The following CEP72 variants were observed in gnomAD, a reference collection of about 807,000 sequenced individuals.
The protein encoded by CEP72 is centrosomal protein 72.
Under a neutral mutation model 65.7 loss-of-function variants are expected in CEP72, and 78 were observed. The observed-to-expected ratio is 1.19, with a 90% CI of 0.99 to 1.43. The LOEUF (loss-of-function observed/expected upper bound fraction) is 1.43. CEP72 is among the 40% of genes most tolerant of loss of function. The probability of loss-of-function intolerance (pLI) is 0.00; values close to 1 mark genes in which losing one functional copy is unlikely to be tolerated. For synonymous variants in CEP72, 358 were observed against 351.7 expected (o/e 1.02, Z -0.20); for missense variants, 914 against 832.9 (o/e 1.10, Z -1.20).
chr5:647,447 C>T (rs1738497070), intron 10 of CEP72, among the ~76,000 whole-genome samples: 1 of 152,248 alleles, frequency 6.6e-6, no homozygotes, highest in South Asian at 2.1e-4. Flanking sequence ...CAGGCCCTCC[C>T]TTCAGGGGCA....
rs918826748 is a variant in CEP72, at chr5:629,006, C to A, written c.512+4427C>A. Among the ~76,000 whole-genome samples the A allele has an allele frequency of 9.9e-5, 15 of 150,936 alleles. 1 individual carries two copies. The highest frequency in any genetic ancestry group is 3.7e-4 in the African/African-American group (15 of 40,418). On this transcript the variant is annotated intron_variant, in intron 4 of 11. Transcript: ENST00000264935. ...CCAGCCCCCTTCTTTGTGCAGCGTT[C>A]TGGAGAACTCAGATCGCAGGCCCCG...
At chr5:640,136 G>T (rs999431637) in intron 8 of CEP72, among the ~76,000 whole-genome samples, 1 of 152,200 alleles carries the variant, frequency 6.6e-6, no homozygotes, top group African/African-American at 2.4e-5. Context: ...GCAGCGAGTT[G>T]TGGCGGCGCC....
chr5:624,482 G>A lies in CEP72; in HGVS notation c.415G>A (p.Val139Met), dbSNP rs143821999. The change falls in exon 4 of 12, where the codon GTG (valine) becomes ATG (methionine). Residue 139 changes from valine (V) to methionine (M), a missense_variant. Transcript: ENST00000264935. The surrounding 1 kb of genome is among the most constrained non-coding windows in gnomAD (Gnocchi z 4.7). Reference sequence around the variant, plus strand: ...GCCTTTTCTTCTAGACGATCGCCCCGTGAGAGCAAGCGAGCGGAAGGCTTC... The same window carrying A: ...GCCTTTTCTTCTAGACGATCGCCCCATGAGAGCAAGCGAGCGGAAGGCTTC... ...PKLQQLDDRP[V>M]RASERKASRL... The A allele has an allele frequency of 1.6e-5, 26 of 1,613,856 alleles. No individual in the cohort carries two copies. The highest frequency in any genetic ancestry group is 6.7e-5 in the African/African-American group (5 of 74,922).
At chr5:661,903 C>G (rs527845420), downstream of CEP72, 3 of 152,454 alleles carry the variant, frequency 2.0e-5, no homozygotes, top group East Asian at 3.8e-4. Flanking sequence ...GCCTGAGGGC[C>G]GCTGGGGGAG....
At chr5:629,404 G>C (rs1737056522) in intron 4 of CEP72, among the ~76,000 whole-genome samples, 1 of 151,868 alleles carries the variant, frequency 6.6e-6, no homozygotes, top group Non-Finnish European at 1.5e-5. Flanking sequence ...GTGGGGTTCT[G>C]TCCAGTGCCG....
chr5:617,578 C>G (rs773521064), intron 1 of CEP72, among the ~76,000 whole-genome samples: 1 of 152,204 alleles, frequency 6.6e-6, no homozygotes, highest in Non-Finnish European at 1.5e-5. Context: ...GACCCTGTCC[C>G]GGTGGCAGGG....
At chr5:674,019 A>G in the CEP72 span, among the ~76,000 whole-genome samples, 1 of 152,220 alleles carries the variant, frequency 6.6e-6, no homozygotes, top group Non-Finnish European at 1.5e-5. Flanking sequence ...AAGGAATCAC[A>G]GCCGGCACTG....
intron 4 of CEP72, among the ~76,000 whole-genome samples, chr5:625,731 G>A (rs970633872): frequency 2.6e-5 from 4 of 152,102 alleles, no homozygotes; most frequent in South Asian, 2.1e-4. Flanking sequence ...TGAGCCGTGC[G>A]GGAGAAGCTG....
the CEP72 span, among the ~76,000 whole-genome samples, chr5:674,816 G>GGGGA: frequency 5.9e-5 from 9 of 151,932 alleles, no homozygotes; most frequent in Admixed American, 5.9e-4. Context: ...CCTCCAGGCA[G>GGGGA]CGGCTGACAT....
intron 1 of CEP72, among the ~76,000 whole-genome samples, chr5:617,479 C>T (rs1171621051): frequency 6.6e-6 from 1 of 152,126 alleles, no homozygotes; most frequent in African/African-American, 2.4e-5. Flanking sequence ...ACCAGCCTGG[C>T]CAACATGGTC....
At chr5:649,215 CTG>C (rs1738720794) in intron 11 of CEP72, among the ~76,000 whole-genome samples, 1 of 73,516 alleles carries the variant, frequency 1.4e-5, no homozygotes. Context: ...GAGGTGTGGA[CTG>C]TGAGGTGTGA....
At chr5:670,941 C>T (rs1379760570), downstream of CEP72, among the ~76,000 whole-genome samples, 2 of 152,236 alleles carry the variant, frequency 1.3e-5, no homozygotes, top group Non-Finnish European at 1.5e-5. Flanking sequence ...CGGAGCCCTT[C>T]CTGCACCCTA....
chr5:668,658 A>G (rs1362833068), downstream of CEP72, among the ~76,000 whole-genome samples: 1 of 152,246 alleles, frequency 6.6e-6, no homozygotes, highest in Non-Finnish European at 1.5e-5. Context: ...ATCACAGCCA[A>G]AGGTGGCCCA....
At position 645,121 on chromosome 5, in the gene CEP72, G is replaced by C. The variant is rs879305746; in HGVS notation, c.1666+696G>C. Among the ~76,000 whole-genome samples, 9 of 152,044 alleles carry C rather than the reference G, an allele frequency of 5.9e-5. No homozygotes were observed. The highest frequency in any genetic ancestry group is 5.9e-4 in the Admixed American group (9 of 15,276). On this transcript the variant is annotated intron_variant, in intron 10 of 11. Coordinates refer to ENST00000264935, the MANE Select transcript of CEP72 (RefSeq NM_018140.4). This position sits in a 1 kb window ranked among gnomAD's most constrained non-coding sequence, Gnocchi z 4.0. ...CATCTCTTCCTGGTCTAGCCTCTCA[G>C]GGGCTCATGGACTTTTCCTCAAAGG... is the stretch of plus-strand genomic sequence containing the variant.
chr5:636,236 T>C (rs1460593228), intron 6 of CEP72, among the ~76,000 whole-genome samples: 1 of 152,266 alleles, frequency 6.6e-6, no homozygotes, highest in Non-Finnish European at 1.5e-5. Flanking sequence ...TATTTGTTTG[T>C]GGAACTCTCC....
intron 7 of CEP72, among the ~76,000 whole-genome samples, 168 bp downstream of exon 7, chr5:637,986 C>T (rs1737735119): frequency 6.6e-6 from 1 of 152,138 alleles, no homozygotes; most frequent in African/African-American, 2.4e-5. Context: ...TGACCGTGTC[C>T]CTCCCTGATG....
At chr5:667,022 C>A (rs916728745) in exon 5 of CEP72, 3 of 152,238 alleles carry the variant, frequency 2.0e-5, no homozygotes, top group Admixed American at 2.0e-4. Context: ...TCCGAGGGCA[C>A]TCCCAGCTGC....
At chr5:619,188 C>A in intron 2 of CEP72, 71 bp downstream of exon 2, 1 of 1,440,160 alleles carries the variant, frequency 6.9e-7, no homozygotes, top group Non-Finnish European at 9.7e-7. Context: ...ACAGCAGAAA[C>A]GGAGTCTGTT....
chr5:663,526 G>T (rs963557903), exon 2 of CEP72: 1 of 152,464 alleles, frequency 6.6e-6, no homozygotes, highest in African/African-American at 2.4e-5. Flanking sequence ...GCCCTCAGCG[G>T]ACCATGCTGG....
Sources: gnomAD v4.1 joint callset for allele counts (sites outside exome capture counted in the v4.1 genomes callset) on GRCh38, gnomAD v4.1.1 for gene constraint, Gnocchi (gnomAD v3.1) non-coding constraint, MANE v1.5 for transcripts, NCBI Gene and HGNC (gene_info 2026-07-23, HGNC 2026-07-21) for gene names.